LRRIQ3: variants seen among roughly 807,000 people sequenced by gnomAD.
LRRIQ3 encodes leucine rich repeats and IQ motif containing 3, also known as leucine-rich repeat and IQ domain-containing protein 3.
Under a neutral mutation model 59.3 loss-of-function variants are expected in LRRIQ3, and 75 were observed. The ratio of observed to expected loss-of-function variants is 1.26; its 90% CI spans 1.05 to 1.53. The LOEUF is 1.53. Among genes scored for constraint, LRRIQ3 ranks in the 40% most tolerant of loss-of-function variants. The pLI, the probability that LRRIQ3 is intolerant of heterozygous loss-of-function variation, is 0.00. For synonymous variants in LRRIQ3, 250 were observed against 231.3 expected, an observed-to-expected ratio of 1.08 and a Z score of -0.73; for missense variants, 831 against 710.0, an observed-to-expected ratio of 1.17 and a Z score of -1.94.
chr1:74,109,558 A>C lies in LRRIQ3; in HGVS notation c.708-5T>G. The C allele has an allele frequency of 6.5e-7, 1 of 1,546,626 alleles. No individual in the cohort carries two copies. Among genetic ancestry groups the C allele is most frequent in the Non-Finnish European group, 8.7e-7 (1 of 1,155,714 alleles). On this transcript the variant is annotated splice_region_variant and splice_polypyrimidine_tract_variant and intron_variant, in intron 4 of 7. Coordinates refer to ENST00000354431, the MANE Select transcript of LRRIQ3 (RefSeq NM_001105659.2). ...TTTTTGTGGAAAAACACAGGGCTGA[A>C]TATAAGGGGAGGGGAAAACTATTTG...
intron 4 of LRRIQ3, among the ~76,000 whole-genome samples, chr1:74,111,118 T>C (rs1293399995): frequency 6.6e-6 from 1 of 151,972 alleles, no homozygotes; most frequent in Non-Finnish European, 1.5e-5. Flanking sequence ...TCTCTAGTTT[T>C]CAGTCAATTG....
chr1:74,145,938 C>T (rs1455618333), intron 4 of LRRIQ3, among the ~76,000 whole-genome samples: 1 of 152,060 alleles, frequency 6.6e-6, no homozygotes, highest in African/African-American at 2.4e-5. Flanking sequence ...CAGTCAATGA[C>T]AAACTGCATA....
chr1:74,171,949 T>C (rs1000735782), intron 3 of LRRIQ3, among the ~76,000 whole-genome samples: 1 of 152,162 alleles, frequency 6.6e-6, no homozygotes, highest in African/African-American at 2.4e-5. Context: ...CTTTTTTATA[T>C]CTGTGGCATT....
intron 3 of LRRIQ3, among the ~76,000 whole-genome samples, chr1:74,176,709 G>A (rs1649663258): frequency 6.6e-6 from 1 of 152,158 alleles, no homozygotes; most frequent in Non-Finnish European, 1.5e-5. Context: ...CACAGCTTTA[G>A]GGGTAGCCTT....
chr1:74,044,323 T>C (rs1654136015), intron 6 of LRRIQ3, among the ~76,000 whole-genome samples: 1 of 152,064 alleles, frequency 6.6e-6, no homozygotes, highest in Non-Finnish European at 1.5e-5. Context: ...GGACATGGGG[T>C]AGACCCCTCA....
chr1:74,058,593 G>C (rs1329567999), intron 6 of LRRIQ3, among the ~76,000 whole-genome samples: 1 of 152,002 alleles, frequency 6.6e-6, no homozygotes, highest in Non-Finnish European at 1.5e-5. Context: ...AATAGTCAGA[G>C]GTTGGTTAAC....
At chr1:74,092,345 C>T (rs1646403972) in intron 5 of LRRIQ3, among the ~76,000 whole-genome samples, 2 of 152,024 alleles carry the variant, frequency 1.3e-5, no homozygotes, top group Admixed American at 1.3e-4. Flanking sequence ...TTACACATAG[C>T]TGAATCTAAT....
chr1:74,163,136 T>A lies in LRRIQ3; in HGVS notation c.574-7270A>T, dbSNP rs180954778. ...TACAATTATATCAGTTAATTTTTTT[T>A]AAAAATCCAAATTTGGCACACATTT... On this transcript the variant is annotated intron_variant, in intron 3 of 7. Transcript: ENST00000354431. Among the ~76,000 whole-genome samples the A allele has an allele frequency of 1.2e-3, 183 of 151,666 alleles. 1 individual carries two copies. Among genetic ancestry groups the A allele is most frequent in the African/African-American group, 3.5e-3 (145 of 41,496 alleles).
At chr1:74,060,190 TC>T (rs1654667654) in intron 6 of LRRIQ3, among the ~76,000 whole-genome samples, 2 of 37,044 alleles carry the variant, frequency 5.4e-5, no homozygotes, top group Non-Finnish European at 1.4e-4. Flanking sequence ...TTCTTCTTTT[TC>T]TTCTTCTTCT....
intron 3 of LRRIQ3, among the ~76,000 whole-genome samples, chr1:74,175,341 T>G (rs879863598): frequency 3.3e-5 from 5 of 152,150 alleles, no homozygotes; most frequent in African/African-American, 1.2e-4. Context: ...TCCCCCTTTT[T>G]TTGTTGTTGT....
In LRRIQ3 at chr1:74,157,606, A is replaced by G. The variant is rs182375139; in HGVS notation, c.574-1740T>C. Among the ~76,000 whole-genome samples, 39 of 151,870 alleles carry G rather than the reference A, an allele frequency of 2.6e-4. No individual in the cohort carries two copies. The East Asian group carries it at 7.4e-3, about 29-fold the overall frequency. On this transcript the variant is annotated intron_variant, in intron 3 of 7. Coordinates refer to ENST00000354431, the MANE Select transcript of LRRIQ3 (RefSeq NM_001105659.2). Reference sequence around the variant, plus strand: ...CCACTGGCTTCTATCCCTATCATCCAAGGGCACTTTTTTAGAGTTAACATT... The same window carrying G: ...CCACTGGCTTCTATCCCTATCATCCGAGGGCACTTTTTTAGAGTTAACATT...
rs150539790 is a variant in LRRIQ3, at chr1:74,183,616, T to A, written c.69A>T (p.Ile23=). The A allele has an allele frequency of 5.6e-6, 9 of 1,611,972 alleles. No homozygotes were observed. The Admixed American group carries it at 1.0e-4, about 18-fold the overall frequency. The change falls in exon 2 of 8, where the codon ATA becomes ATT. Residue 23 remains isoleucine (I), a synonymous_variant. Transcript: ENST00000354431. ...AAACAAAATCTTTTTGACCTTCTCT[T>A]ATGTTTTCATTATAGTGACTCCATT... ...HEEWSHYNEN[I]REGQKDFVFV...
intron 1 of LRRIQ3, among the ~76,000 whole-genome samples, chr1:74,197,365 TA>T (rs1053567138): frequency 6.6e-5 from 10 of 152,316 alleles, no homozygotes; most frequent in African/African-American, 2.4e-4. Context: ...TATTACTTAC[TA>T]ATTGTGATAC....
In LRRIQ3 at chr1:74,045,964, A is replaced by C. The variant is rs191666727; in HGVS notation, c.998-4031T>G. On this transcript the variant is annotated intron_variant, in intron 6 of 7. Coordinates refer to ENST00000354431, the MANE Select transcript of LRRIQ3 (RefSeq NM_001105659.2). Reference sequence around the variant, plus strand: ...TGCTCAAGGAAATAAGAGAGGACACAAACAAACGGAAAAACATTCCATCCT... The same window carrying C: ...TGCTCAAGGAAATAAGAGAGGACACCAACAAACGGAAAAACATTCCATCCT... 3.9e-5 allele frequency among the ~76,000 whole-genome samples: 6 copies of C among 152,284 alleles called. No individual in the cohort carries two copies. The East Asian group carries it at 1.2e-3, about 29-fold the overall frequency.
intron 3 of LRRIQ3, among the ~76,000 whole-genome samples, chr1:74,158,566 G>C (rs1648480175): frequency 6.6e-6 from 1 of 152,060 alleles, no homozygotes; most frequent in South Asian, 2.1e-4. Flanking sequence ...ATGTTGATCT[G>C]CATTCAGTGT....
chr1:74,101,868 T>A (rs1040262124), intron 5 of LRRIQ3, among the ~76,000 whole-genome samples: 2 of 151,784 alleles, frequency 1.3e-5, no homozygotes, highest in Admixed American at 6.6e-5. Context: ...ATGAGAACAC[T>A]TGGACACAGG....
chr1:74,188,699 A>G (rs1650565869), intron 1 of LRRIQ3, among the ~76,000 whole-genome samples: 1 of 152,104 alleles, frequency 6.6e-6, no homozygotes, highest in East Asian at 1.9e-4. Context: ...AAATTTTTCC[A>G]TAGGACCTGA....
chr1:74,183,353 A>T (rs1650126954), intron 2 of LRRIQ3, 83 bp downstream of exon 2: 1 of 1,195,536 alleles, frequency 8.4e-7, no homozygotes, highest in African/African-American at 1.6e-5. Flanking sequence ...TGTTGAAGAA[A>T]TACTGTGGAT....
intron 1 of LRRIQ3, 75 bp from the exon 2 acceptor site, chr1:74,183,759 C>T (rs1302029760): frequency 3.0e-6 from 4 of 1,348,674 alleles, no homozygotes; most frequent in Non-Finnish European, 3.0e-6. Flanking sequence ...CAAAATTTTG[C>T]CAAGAGATAG....
Sources: allele counts gnomAD v4.1 joint callset (sites outside exome capture counted in the v4.1 genomes callset), GRCh38; gene constraint gnomAD v4.1.1; transcripts MANE v1.5; gene names NCBI Gene and HGNC (gene_info 2026-07-23, HGNC 2026-07-21).